Variants in FAM118B observed in about 807,000 individuals in gnomAD.
FAM118B encodes the protein SIR2 antiphage like 1.
A neutral mutation model predicts 38.5 loss-of-function variants in FAM118B; 24 were observed. The ratio of observed to expected loss-of-function variants is 0.62; its 90% CI spans 0.45 to 0.88. The LOEUF (loss-of-function observed/expected upper bound fraction) is 0.88, where lower values mean the gene tolerates loss of function less well. FAM118B is among the 40% of genes least tolerant of loss of function. The pLI is 0.00. For missense variants in FAM118B, 334 were observed against 420.0 expected, an observed-to-expected ratio of 0.80 and a Z score of 1.79; for synonymous variants, 138 against 156.3, an observed-to-expected ratio of 0.88 and a Z score of 0.87.
chr11:126,261,192 A>C (rs569157496), intron 7 of FAM118B: 10 of 455,510 alleles, frequency 2.2e-5, no homozygotes, highest in Non-Finnish European at 3.9e-5. Context: ...TTTTGTCTAC[A>C]AGCAATCGTA....
At position 126,262,847 on chromosome 11, in the gene FAM118B, A is replaced by G. The variant is rs538915712; in HGVS notation, c.*714A>G. ...TATCAACTTCTGCTCTGTTGTCCTG[A>G]CCATACATATGTCCTAGAACTACAG... is the stretch of plus-strand genomic sequence containing the variant. On this transcript the variant is annotated 3_prime_UTR_variant, in exon 9 of 9. Transcript: ENST00000533050. The G allele has an allele frequency of 6.5e-5, 10 of 152,736 alleles. No homozygotes were observed. The highest frequency in any genetic ancestry group is 2.4e-4 in the African/African-American group (10 of 41,580). The allele number at this position is 152,736 out of a possible 1,614,324, so 9.5% of individuals were successfully genotyped here.
At position 126,252,617 on chromosome 11, in the gene FAM118B, C is replaced by T. The variant is rs1342720149; in HGVS notation, c.568-1688C>T. Reference sequence around the variant, plus strand: ...AATTAGCCGGGCATGGTGGTGTTTGCCTGTGGTCCCAGCTACTTGGGAGGC... The same window carrying T: ...AATTAGCCGGGCATGGTGGTGTTTGTCTGTGGTCCCAGCTACTTGGGAGGC... On this transcript the variant is annotated intron_variant, in intron 5 of 8. Transcript: ENST00000533050. This position sits in a 1 kb window ranked among gnomAD's most constrained non-coding sequence, Gnocchi z 4.7. Among the ~76,000 whole-genome samples the T allele has an allele frequency of 2.0e-5, 3 of 152,082 alleles. No homozygotes were observed. Among genetic ancestry groups the T allele is most frequent in the Non-Finnish European group, 2.9e-5 (2 of 68,010 alleles).
At chr11:126,237,565 G>A (rs1254802221) in intron 3 of FAM118B, among the ~76,000 whole-genome samples, 4 of 142,238 alleles carry the variant, frequency 2.8e-5, no homozygotes, top group Non-Finnish European at 4.6e-5. Context: ...GGCCAGGCTC[G>A]GTGGCTCACG....
chr11:126,256,656 C>A lies in FAM118B; in HGVS notation c.786C>A (p.Phe262Leu). The A allele has an allele frequency of 6.2e-7, 1 of 1,614,184 alleles. No homozygotes were observed. The highest frequency in any genetic ancestry group is 2.2e-5 in the East Asian group (1 of 44,884). ...TVDDTTFQAL[F>L]LEAVKHKSDL... ...ATGACACCACTTTCCAGGCCCTTTTCTTGGAGGCTGTCAAGCATAAATCTG... is the reference window on the plus strand; with the variant it reads ...ATGACACCACTTTCCAGGCCCTTTTATTGGAGGCTGTCAAGCATAAATCTG... The change falls in exon 7 of 9, where the codon TTC (phenylalanine) becomes TTA (leucine). Residue 262 changes from phenylalanine to leucine, a missense_variant. Physicochemically the swap from Phe to Leu is conservative, Grantham distance 22. This residue lies in a region of FAM118B where 6 missense variants were observed against 26.1 expected (regional missense o/e 0.23). Transcript: ENST00000533050. The surrounding 1 kb of genome is among the most constrained non-coding windows in gnomAD (Gnocchi z 6.6).
In FAM118B at chr11:126,248,358, CTTTTTTTTTTTTTT is replaced by C. The variant is rs1167017613; in HGVS notation, c.340-2132_340-2119del. The stretch of plus-strand genomic sequence containing the variant: ...GTATCTGACCTTCAATAGTAGTTGA[CTTTTTTTTTTTTTT>C]TTTTTTTTTTTTTTTGAGATGGAGT... On this transcript the variant is annotated intron_variant, in intron 4 of 8. Coordinates refer to ENST00000533050, the MANE Select transcript of FAM118B (RefSeq NM_024556.4). Among the ~76,000 whole-genome samples the C allele has an allele frequency of 3.8e-4, 14 of 36,962 alleles. No homozygotes were observed. In the East Asian group the frequency reaches 8.6e-3, roughly 23 times the overall value. The allele number at this position is 36,962 out of a possible 152,430, so 24.2% of individuals were successfully genotyped here. A position where few individuals can be genotyped will look rare whatever the true frequency, so the allele number is the denominator to read the frequency against.
chr11:126,215,303 T>C (rs1196848013), intron 1 of FAM118B, among the ~76,000 whole-genome samples: 1 of 152,220 alleles, frequency 6.6e-6, no homozygotes, highest in Non-Finnish European at 1.5e-5. Flanking sequence ...GCATTGATAC[T>C]AAGAAACTGG....
intron 7 of FAM118B, among the ~76,000 whole-genome samples, chr11:126,258,135 C>T (rs1565341461): frequency 1.3e-5 from 2 of 152,152 alleles, no homozygotes; most frequent in Admixed American, 6.6e-5. Context: ...GGTAATTTGT[C>T]CTGTAATCCC....
intron 7 of FAM118B, among the ~76,000 whole-genome samples, chr11:126,259,705 G>C (rs1256018849): frequency 6.6e-6 from 1 of 151,470 alleles, no homozygotes; most frequent in African/African-American, 2.4e-5. Flanking sequence ...GATTACAGGC[G>C]TGAGCCACCA....
chr11:126,236,985 C>T (rs1227900746), intron 3 of FAM118B, among the ~76,000 whole-genome samples: 2 of 143,534 alleles, frequency 1.4e-5, no homozygotes, highest in Middle Eastern at 3.3e-3. Context: ...GACACTATCT[C>T]GGCTCATTGC....
At chr11:126,240,490 T>TA (rs1188495039) in intron 3 of FAM118B, among the ~76,000 whole-genome samples, 4 of 152,236 alleles carry the variant, frequency 2.6e-5, no homozygotes, top group Non-Finnish European at 5.9e-5. Context: ...AGCTATAGTC[T>TA]ATTTGGATCT....
chr11:126,245,464 C>T (rs1486747363), intron 4 of FAM118B, among the ~76,000 whole-genome samples: 1 of 151,992 alleles, frequency 6.6e-6, no homozygotes, highest in Non-Finnish European at 1.5e-5. Flanking sequence ...GCACCAGCAA[C>T]AGAAGAAAAC....
intron 8 of FAM118B, 77 bp from the exon 9 acceptor site, chr11:126,262,043 C>CT: frequency 7.0e-7 from 1 of 1,437,728 alleles, no homozygotes; most frequent in African/African-American, 1.4e-5. Context: ...TTAGGATTGA[C>CT]TTAAGTATCT....
intron 1 of FAM118B, among the ~76,000 whole-genome samples, chr11:126,223,530 A>G (rs1183819671): frequency 2.0e-5 from 3 of 151,676 alleles, no homozygotes; most frequent in Non-Finnish European, 2.9e-5. Flanking sequence ...CCCGGGAGGC[A>G]GAGCTTGCAG....
chr11:126,247,816 C>G (rs1028084456), intron 4 of FAM118B, among the ~76,000 whole-genome samples: 6 of 149,432 alleles, frequency 4.0e-5, no homozygotes, highest in African/African-American at 1.5e-4. Flanking sequence ...TGAGACCACG[C>G]CACTGCACTC....
intron 7 of FAM118B, among the ~76,000 whole-genome samples, chr11:126,259,789 C>A (rs1013167659): frequency 2.0e-5 from 3 of 151,372 alleles, no homozygotes; most frequent in Non-Finnish European, 4.4e-5. Flanking sequence ...GGCGCAATCT[C>A]AGCTCACTGC....
At position 126,231,929 on chromosome 11, in the gene FAM118B, C is replaced by A. The variant is rs551696485; in HGVS notation, c.-8+2636C>A. On this transcript the variant is annotated intron_variant, in intron 2 of 8. Transcript: ENST00000533050. ...CCAGCTTCTGAATGTAGTTGACTGC[C>A]AAGATTGCATCAATGGAGTACCTAG... Among the ~76,000 whole-genome samples, 6 of 152,272 alleles carry A rather than the reference C, an allele frequency of 3.9e-5. No individual in the cohort carries two copies. In the East Asian group the frequency reaches 1.2e-3, roughly 29 times the overall value.
chr11:126,250,126 C>T lies in FAM118B; in HGVS notation c.340-380C>T, dbSNP rs185141960. On this transcript the variant is annotated intron_variant, in intron 4 of 8. Coordinates refer to ENST00000533050, the MANE Select transcript of FAM118B (RefSeq NM_024556.4). This position sits in a 1 kb window ranked among gnomAD's most constrained non-coding sequence, Gnocchi z 5.1. The stretch of plus-strand genomic sequence containing the variant: ...TTTTTTTTTGAGATGGAGTCTCGCT[C>T]CGTCGCCCAGGCTGGAGTGCAGTGA... Among the ~76,000 whole-genome samples, 1,137 of 149,598 alleles carry T rather than the reference C, an allele frequency of 7.6e-3. 13 individuals carry two copies. The highest frequency in any genetic ancestry group is 0.026 in the African/African-American group (1,068 of 40,476).
At chr11:126,247,056 G>A (rs1217632502) in intron 4 of FAM118B, among the ~76,000 whole-genome samples, 1 of 152,202 alleles carries the variant, frequency 6.6e-6, no homozygotes, top group Non-Finnish European at 1.5e-5. Context: ...TACACAGGAG[G>A]CTGAGGCAAG....
At chr11:126,211,979 C>T (rs968141609) in intron 1 of FAM118B, 149 bp downstream of exon 1, 3 of 273,688 alleles carry the variant, frequency 1.1e-5, no homozygotes, top group Non-Finnish European at 2.1e-5. Flanking sequence ...TCAAAAACTC[C>T]TCCCCGCCCC....
Sources: allele counts gnomAD v4.1 joint callset (sites outside exome capture counted in the v4.1 genomes callset), GRCh38; gene constraint gnomAD v4.1.1; regional missense constraint gnomAD v4.1.1; non-coding constraint Gnocchi (gnomAD v3.1); transcripts MANE v1.5; gene names NCBI Gene and HGNC (gene_info 2026-07-23, HGNC 2026-07-21).